The following SLC39A10 variants were observed in gnomAD, a reference collection of about 807,000 sequenced individuals.
SLC39A10 encodes the protein solute carrier family 39 member 10.
In SLC39A10, 13 loss-of-function variants were observed where a neutral mutation model predicts 65.1. That is an observed-to-expected ratio of 0.20 (90% CI 0.13 to 0.32). SLC39A10 has a LOEUF of 0.32. Ranked by LOEUF, SLC39A10 falls within the 10% of genes least tolerant of loss-of-function variation. The pLI is 1.00. For missense variants in SLC39A10, 831 were observed against 1,018.4 expected (o/e 0.82, Z 2.50); for synonymous variants, 321 against 342.2 (o/e 0.94, Z 0.68).
intron 1 of SLC39A10, chr2:195,657,718 G>T: frequency 1.2e-6 from 1 of 834,634 alleles, no homozygotes; most frequent in Non-Finnish European, 1.4e-6. Flanking sequence ...AGGCGCGGGC[G>T]GGCGAGGCTT....
chr2:195,665,574 AAATTT>A (rs1286244091), intron 1 of SLC39A10, among the ~76,000 whole-genome samples: 7 of 152,206 alleles, frequency 4.6e-5, no homozygotes, highest in Non-Finnish European at 7.3e-5. Context: ...TTGTCAACTA[AAATTT>A]AATTTATAAT....
intron 9 of SLC39A10, among the ~76,000 whole-genome samples, chr2:195,730,229 G>T (rs1692391599): frequency 6.6e-6 from 1 of 152,058 alleles, no homozygotes; most frequent in Non-Finnish European, 1.5e-5. Context: ...AAGTCTGCTA[G>T]TCATTTTCCA....
chr2:195,668,864 C>T (rs1689740850), intron 1 of SLC39A10, among the ~76,000 whole-genome samples: 1 of 152,084 alleles, frequency 6.6e-6, no homozygotes, highest in Non-Finnish European at 1.5e-5. Context: ...GGGTAGATTA[C>T]CTGAGGTCAG....
intron 2 of SLC39A10, among the ~76,000 whole-genome samples, chr2:195,682,521 G>T (rs951166013): frequency 2.6e-5 from 4 of 151,986 alleles, no homozygotes; most frequent in African/African-American, 9.6e-5. Context: ...CAAACTCCTC[G>T]CCTCAAGTAG....
At chr2:195,656,437 A>C (rs1035095267), upstream of SLC39A10, among the ~76,000 whole-genome samples, 1 of 152,140 alleles carries the variant, frequency 6.6e-6, no homozygotes, top group Non-Finnish European at 1.5e-5. Context: ...TTTTTGTCAT[A>C]GAGTGTTAAG....
intron 2 of SLC39A10, among the ~76,000 whole-genome samples, chr2:195,618,085 C>T (rs1688265217): frequency 6.6e-6 from 1 of 151,504 alleles, no homozygotes; most frequent in African/African-American, 2.4e-5. Context: ...GCCGGTGCCT[C>T]ACACCTGTAA....
chr2:195,615,437 A>G (rs897551711), intron 2 of SLC39A10, among the ~76,000 whole-genome samples: 2 of 152,212 alleles, frequency 1.3e-5, no homozygotes, highest in Non-Finnish European at 2.9e-5. Flanking sequence ...TGCTGGGAGT[A>G]TAGGTGTGAG....
chr2:195,654,328 A>T (rs1380713736), upstream of SLC39A10, among the ~76,000 whole-genome samples: 1 of 152,218 alleles, frequency 6.6e-6, no homozygotes, highest in African/African-American at 2.4e-5. Context: ...AGGGAAACCC[A>T]GGTTTATGAC....
chr2:195,695,415 C>T (rs1372141772), intron 3 of SLC39A10, among the ~76,000 whole-genome samples: 6 of 152,162 alleles, frequency 3.9e-5, no homozygotes, highest in Non-Finnish European at 8.8e-5. Context: ...ACCACACTCC[C>T]ACACAACCTG....
At chr2:195,676,916 G>T (rs530506955) in intron 1 of SLC39A10, among the ~76,000 whole-genome samples, 1 of 152,010 alleles carries the variant, frequency 6.6e-6, no homozygotes, top group East Asian at 1.9e-4. Flanking sequence ...TAGATGATGT[G>T]TTTCTCCAGG....
intron 3 of SLC39A10, among the ~76,000 whole-genome samples, chr2:195,694,885 G>A (rs1393017353): frequency 6.6e-6 from 1 of 152,136 alleles, no homozygotes; most frequent in East Asian, 1.9e-4. Context: ...TCCTTCCTCG[G>A]TCATGAAGAT....
At chr2:195,696,536 A>G (rs1354398457) in intron 3 of SLC39A10, among the ~76,000 whole-genome samples, 3 of 152,134 alleles carry the variant, frequency 2.0e-5, no homozygotes, top group African/African-American at 4.8e-5. Flanking sequence ...AAAGCAATAC[A>G]ACTATTTGCA....
chr2:195,673,638 C>G (rs1689965524), intron 1 of SLC39A10, among the ~76,000 whole-genome samples: 1 of 152,152 alleles, frequency 6.6e-6, no homozygotes, highest in Non-Finnish European at 1.5e-5. Flanking sequence ...ACTAGAAAGG[C>G]TGGATAAGTC....
chr2:195,623,333 G>A (rs999339266), intron 2 of SLC39A10, among the ~76,000 whole-genome samples: 1 of 152,162 alleles, frequency 6.6e-6, no homozygotes, highest in African/African-American at 2.4e-5. Flanking sequence ...CCTCCTAAGT[G>A]TAAGTAGTAA....
chr2:195,726,990 A>G (rs1191322510), intron 8 of SLC39A10, among the ~76,000 whole-genome samples: 1 of 152,174 alleles, frequency 6.6e-6, no homozygotes, highest in African/African-American at 2.4e-5. Flanking sequence ...TCAAGGTGGA[A>G]CAAGCTATTG....
intron 3 of SLC39A10, among the ~76,000 whole-genome samples, chr2:195,686,539 A>T (rs1035306438): frequency 6.6e-6 from 1 of 152,192 alleles, no homozygotes; most frequent in Non-Finnish European, 1.5e-5. Context: ...ACAGAGTGAG[A>T]CTCCGTCTCA....
At chr2:195,681,960 C>T (rs1290511217) in intron 2 of SLC39A10, among the ~76,000 whole-genome samples, 5 of 152,062 alleles carry the variant, frequency 3.3e-5, no homozygotes, top group Admixed American at 2.6e-4. Context: ...CCTACTTACT[C>T]ATGATAATTG....
At chr2:195,732,185 T>C (rs188263344) in intron 9 of SLC39A10, among the ~76,000 whole-genome samples, 1 of 152,328 alleles carries the variant, frequency 6.6e-6, no homozygotes, top group Non-Finnish European at 1.5e-5. Flanking sequence ...CTTGTAAACT[T>C]TGGAGAGCCA....
intron 2 of SLC39A10, among the ~76,000 whole-genome samples, chr2:195,645,423 T>TA (rs1378321696): frequency 6.6e-6 from 1 of 152,236 alleles, no homozygotes; most frequent in Non-Finnish European, 1.5e-5. Context: ...TGAAAAATTC[T>TA]AGGTTTATAA....
Sources: allele counts gnomAD v4.1 joint callset (sites outside exome capture counted in the v4.1 genomes callset), GRCh38; gene constraint gnomAD v4.1.1; transcripts MANE v1.5; gene names NCBI Gene and HGNC (gene_info 2026-07-23, HGNC 2026-07-21).